HCRTR1: variants seen among roughly 807,000 people sequenced by gnomAD.
HCRTR1 encodes orexin/Hypocretin receptor type 1.
Under a neutral mutation model 40.6 loss-of-function variants are expected in HCRTR1, and 28 were observed. The observed-to-expected ratio is 0.69, with a 90% confidence interval of 0.51 to 0.95. The LOEUF (loss-of-function observed/expected upper bound fraction) is 0.95, where lower values mean the gene tolerates loss of function less well. HCRTR1 is among the 40% of genes least tolerant of loss of function. The pLI is 0.00. For synonymous variants in HCRTR1, 209 were observed against 230.0 expected (o/e 0.91, Z 0.83); for missense variants, 482 against 564.7 (o/e 0.85, Z 1.48).
chr1:31,623,752 G>A lies in HCRTR1; in HGVS notation c.965+3G>A. On this transcript the variant is annotated splice_donor_region_variant and intron_variant, in intron 7 of 8. Transcript: ENST00000403528. The stretch of plus-strand genomic sequence containing the variant: ...AGCGTCCTCAATGTCCTTAAGAGGT[G>A]AGAGCACGGGGTATGGTTGGGGTGG... The A allele has an allele frequency of 6.2e-7, 1 of 1,610,664 alleles. No homozygotes were observed. The highest frequency in any genetic ancestry group is 1.1e-5 in the South Asian group (1 of 90,828).
At chr1:31,619,836 G>C (rs2148608335) in intron 4 of HCRTR1, 126 bp downstream of exon 4, 1 of 841,060 alleles carries the variant, frequency 1.2e-6, no homozygotes, top group African/African-American at 1.7e-5. Flanking sequence ...GACCCCTGAA[G>C]TGTCATCCTC....
In HCRTR1 at chr1:31,625,771, A is replaced by G. The variant is rs1295521754; in HGVS notation, c.1087+653A>G. Among the ~76,000 whole-genome samples the G allele has an allele frequency of 6.6e-6, 1 of 151,804 alleles. No homozygotes were observed. The highest frequency in any genetic ancestry group is 1.9e-4 in the East Asian group (1 of 5,174). ...TGGTAATGGCTCTGAGGCTGAGCTC[A>G]GCAGAAGTCTGACTCACCAGCCCTC... On this transcript the variant is annotated intron_variant, in intron 8 of 8. Coordinates refer to ENST00000403528, the MANE Select transcript of HCRTR1 (RefSeq NM_001525.3). The surrounding 1 kb of genome is among the most constrained non-coding windows in gnomAD (Gnocchi z 4.2).
downstream of HCRTR1, chr1:31,630,862 A>C: frequency 6.3e-7 from 1 of 1,578,020 alleles, no homozygotes; most frequent in Admixed American, 1.7e-5. Flanking sequence ...AGGGGCACAC[A>C]GACCAGACAC....
downstream of HCRTR1, among the ~76,000 whole-genome samples, chr1:31,627,909 G>T (rs1640011086): frequency 6.6e-6 from 1 of 152,208 alleles, no homozygotes. Flanking sequence ...CAGATAGCGG[G>T]TTAACAGGCT....
At chr1:31,618,909 A>T (rs2148607648) in intron 2 of HCRTR1, 93 bp downstream of exon 2, 1 of 452,700 alleles carries the variant, frequency 2.2e-6, no homozygotes, top group East Asian at 4.1e-5. Context: ...TGGAATTGGG[A>T]TGCAACCCAG....
chr1:31,633,094 C>A, downstream of HCRTR1: 1 of 1,536,440 alleles, frequency 6.5e-7, no homozygotes, highest in Non-Finnish European at 8.8e-7. Flanking sequence ...CCCACCTACC[C>A]ACCTACTGTC....
chr1:31,627,088 G>C lies in HCRTR1; in HGVS notation c.*108G>C, dbSNP rs1639995717. On this transcript the variant is annotated 3_prime_UTR_variant, in exon 9 of 9. Coordinates refer to ENST00000403528, the MANE Select transcript of HCRTR1 (RefSeq NM_001525.3). ...TGGCTTCAGTCCTGGGTTTCTGCCT[G>C]TGTGACTCTGGATAAGTCACTTCCT... The C allele has an allele frequency of 3.4e-6, 5 of 1,491,626 alleles. 1 individual carries two copies. In the South Asian group the frequency reaches 3.9e-5, roughly 12 times the overall value. 92.4% of individuals were successfully genotyped at this position (1,491,626 alleles called of 1,614,324 possible).
chr1:31,628,709 A>G (rs531389837), downstream of HCRTR1, among the ~76,000 whole-genome samples: 89 of 152,350 alleles, frequency 5.8e-4, no homozygotes, highest in Non-Finnish European at 1.1e-3. Flanking sequence ...ACCCAGCACC[A>G]TGGGGGGCCT....
intron 4 of HCRTR1, among the ~76,000 whole-genome samples, chr1:31,620,610 TG>T (rs1272468314): frequency 1.3e-5 from 2 of 152,336 alleles, no homozygotes; most frequent in East Asian, 3.9e-4. Context: ...AGCTGGACAT[TG>T]TTTGTACATG....
At chr1:31,628,186 G>A (rs1192255779), downstream of HCRTR1, among the ~76,000 whole-genome samples, 1 of 152,260 alleles carries the variant, frequency 6.6e-6, no homozygotes, top group Non-Finnish European at 1.5e-5. Context: ...TTGATTAATA[G>A]AGCTGTGGGC....
At chr1:31,624,448 C>CAAAAAA (rs11438872) in intron 7 of HCRTR1, among the ~76,000 whole-genome samples, 11 of 111,044 alleles carry the variant, frequency 9.9e-5, no homozygotes, top group East Asian at 3.0e-4. Context: ...ACAGCTGTCT[C>CAAAAAA]AAAAAAAAAA....
intron 4 of HCRTR1, 140 bp from the exon 5 acceptor site, chr1:31,620,703 C>A: frequency 1.8e-6 from 2 of 1,085,598 alleles, no homozygotes; most frequent in Non-Finnish European, 2.7e-6. Context: ...GGGTGAGTGA[C>A]TTGCCCACAT....
intron 7 of HCRTR1, 89 bp downstream of exon 7, chr1:31,623,838 C>T (rs1639917396): frequency 1.1e-6 from 1 of 909,992 alleles, no homozygotes. Context: ...TGGCTCCACC[C>T]CTTCTCCACT....
At position 31,619,795 on chromosome 1, in the gene HCRTR1, G is replaced by C. The variant is rs1402822208; in HGVS notation, c.378+85G>C. 4.6e-6 allele frequency: 6 copies of C among 1,315,854 alleles called. No homozygotes were observed. The African/African-American group carries it at 8.8e-5, about 19-fold the overall frequency. 81.5% of individuals were successfully genotyped at this position (1,315,854 alleles called of 1,614,324 possible). A position where few individuals can be genotyped will look rare whatever the true frequency, so the allele number is the denominator to read the frequency against. ...CTTGCATAGGTCTCAGTGACCCCCA[G>C]ACTTGCCTTTCAGACAGGTCAGTGG... On this transcript the variant is annotated intron_variant, in intron 4 of 8. Coordinates refer to ENST00000403528, the MANE Select transcript of HCRTR1 (RefSeq NM_001525.3).
rs1639808524 is a variant in HCRTR1 at position 31,619,577 on chromosome 1, A to G, written c.245A>G (p.Asn82Ser). Residue 82 changes from asparagine to serine, a missense_variant, in exon 4 of 9, where the codon AAC (asparagine) becomes AGC (serine). By Grantham distance (46) the Asn-to-Ser change is conservative. Transcript: ENST00000403528. ...AACCACCACATGAGGACAGTCACCA[A>G]CTACTTCATTGTCAACCTGTCCCTG... Reference protein sequence around the residue: ...WRNHHMRTVTNYFIVNLSLAD... With the variant: ...WRNHHMRTVTSYFIVNLSLAD... The G allele has an allele frequency of 1.2e-6, 2 of 1,613,970 alleles. No individual in the cohort carries two copies. Among genetic ancestry groups the G allele is most frequent in the Non-Finnish European group, 1.7e-6 (2 of 1,180,000 alleles).
rs768602707 is a variant in HCRTR1 at position 31,619,230 on chromosome 1, TC to T, written c.44del (p.Pro15LeufsTer63). On this transcript the variant is annotated frameshift_variant, in exon 3 of 9. Coordinates refer to ENST00000403528, the MANE Select transcript of HCRTR1 (RefSeq NM_001525.3). LOFTEE classifies it high-confidence loss of function. Reference protein sequence around the residue: ...PSATPGAQMGVPPGSREPSPV... With the variant: ...PSATPGAQMGXPPGSREPSPV... ...GCCACCCCAGGGGCCCAGATGGGGG[TC>T]CCCCCTGGCAGCAGAGAGCCGTCCC... 1.3e-5 allele frequency: 21 copies of T among 1,612,812 alleles called. No individual in the cohort carries two copies. In the South Asian group the frequency reaches 2.2e-4, roughly 17 times the overall value.
At chr1:31,630,896 C>T (rs1275883006), downstream of HCRTR1, 2 of 1,409,028 alleles carry the variant, frequency 1.4e-6, no homozygotes, top group Non-Finnish European at 2.0e-6. Flanking sequence ...ATGAGCACCT[C>T]CATCAATCAG....
chr1:31,630,753 G>A (rs1640074882), downstream of HCRTR1: 1 of 1,614,012 alleles, frequency 6.2e-7, no homozygotes, highest in South Asian at 1.1e-5. Context: ...CGGTCAAGCT[G>A]CATGGCAGGA....
At chr1:31,630,920 C>G, downstream of HCRTR1, 1 of 1,224,508 alleles carries the variant, frequency 8.2e-7, no homozygotes, top group Non-Finnish European at 1.2e-6. Context: ...TACTGGATCA[C>G]AACAGTTCAA....
Sources: gnomAD v4.1 joint callset for allele counts (sites outside exome capture counted in the v4.1 genomes callset) on GRCh38, gnomAD v4.1.1 for gene constraint, Gnocchi (gnomAD v3.1) non-coding constraint, MANE v1.5 for transcripts, NCBI Gene and HGNC (gene_info 2026-07-23, HGNC 2026-07-21) for gene names.